The following NDST4 variants were observed in gnomAD, a reference collection of about 807,000 sequenced individuals.
The protein encoded by NDST4 is N-deacetylase and N-sulfotransferase 4.
A neutral mutation model predicts 100.8 loss-of-function variants in NDST4; 63 were observed. The ratio of observed to expected loss-of-function variants is 0.62; its 90% confidence interval spans 0.51 to 0.77. The LOEUF (loss-of-function observed/expected upper bound fraction) is 0.77, where lower values mean the gene tolerates loss of function less well. Ranked by LOEUF, NDST4 falls within the 30% of genes least tolerant of loss-of-function variation. NDST4 has a pLI of 0.00. For synonymous variants in NDST4, 377 were observed against 361.8 expected (o/e 1.04, Z -0.48); for missense variants, 943 against 1,018.4 (o/e 0.93, Z 1.01).
At chr4:114,867,709 C>T (rs1014665373) in intron 7 of NDST4, among the ~76,000 whole-genome samples, 13 of 124,258 alleles carry the variant, frequency 1.0e-4, no homozygotes, top group Admixed American at 8.3e-5. Context: ...TATTCTTTTA[C>T]ACTGTGTAGT....
intron 6 of NDST4, among the ~76,000 whole-genome samples, chr4:114,875,943 G>A (rs1724245876): frequency 6.6e-6 from 1 of 152,112 alleles, no homozygotes; most frequent in Non-Finnish European, 1.5e-5. Context: ...TTTTTAAATT[G>A]AAATTAAAAA....
chr4:114,837,286 T>C (rs751792915), intron 11 of NDST4, among the ~76,000 whole-genome samples: 1 of 152,124 alleles, frequency 6.6e-6, no homozygotes, highest in Non-Finnish European at 1.5e-5. Context: ...GCTGATAACC[T>C]TTGGATGGGG....
At chr4:114,922,582 C>T (rs1489933059) in intron 6 of NDST4, among the ~76,000 whole-genome samples, 1 of 152,162 alleles carries the variant, frequency 6.6e-6, no homozygotes, top group African/African-American at 2.4e-5. Context: ...TTTTAACAAA[C>T]GTTCCCTCCT....
rs111727264 is a variant in NDST4, at chr4:114,915,552, A to T, written c.1536+19654T>A. Among the ~76,000 whole-genome samples the T allele has an allele frequency of 7.7e-3, 1,171 of 152,312 alleles. 15 individuals carry two copies. The highest frequency in any genetic ancestry group is 0.027 in the African/African-American group (1,127 of 41,580). On this transcript the variant is annotated intron_variant, in intron 6 of 13. Transcript: ENST00000264363. ...TTTATTGGGCAGTGACAAAGTCTTA[A>T]CAATAGTTACCTTCCTGATTTTTCT...
chr4:115,009,574 T>C (rs532571442), intron 2 of NDST4, among the ~76,000 whole-genome samples: 1 of 122,860 alleles, frequency 8.1e-6, no homozygotes, highest in Non-Finnish European at 1.7e-5. Flanking sequence ...CCTAAAACCA[T>C]AAAAACCCTA....
At chr4:115,030,153 A>T (rs1728084634) in intron 2 of NDST4, among the ~76,000 whole-genome samples, 1 of 152,138 alleles carries the variant, frequency 6.6e-6, no homozygotes, top group Admixed American at 6.6e-5. Flanking sequence ...TTATAAATGG[A>T]TAGAGAAACA....
At chr4:114,946,668 A>G (rs2126230307) in intron 4 of NDST4, among the ~76,000 whole-genome samples, 1 of 152,278 alleles carries the variant, frequency 6.6e-6, no homozygotes, top group South Asian at 2.1e-4. Flanking sequence ...GCAAGAGATG[A>G]TGTCAAGAGG....
intron 1 of NDST4, among the ~76,000 whole-genome samples, chr4:115,093,540 A>G (rs1198487288): frequency 1.3e-5 from 2 of 152,130 alleles, no homozygotes; most frequent in East Asian, 1.9e-4. Context: ...TAAAAGACAT[A>G]TGCAAAATAT....
chr4:114,997,715 T>TA (rs1486897047), intron 2 of NDST4, among the ~76,000 whole-genome samples: 1 of 152,070 alleles, frequency 6.6e-6, no homozygotes, highest in Non-Finnish European at 1.5e-5. Context: ...ATGCCTTATC[T>TA]ATAGTACAGA....
chr4:115,103,482 T>C (rs1729776073), intron 1 of NDST4, among the ~76,000 whole-genome samples: 2 of 152,132 alleles, frequency 1.3e-5, no homozygotes. Context: ...CAAAGAATCT[T>C]ACTCAAATAG....
At chr4:114,871,921 T>C (rs1052738127) in intron 6 of NDST4, among the ~76,000 whole-genome samples, 1 of 152,028 alleles carries the variant, frequency 6.6e-6, no homozygotes, top group Non-Finnish European at 1.5e-5. Context: ...GTAAGGCTAA[T>C]ATAAGGTTAT....
At chr4:115,093,780 G>A (rs541890311) in intron 1 of NDST4, among the ~76,000 whole-genome samples, 2 of 152,022 alleles carry the variant, frequency 1.3e-5, no homozygotes, top group Non-Finnish European at 2.9e-5. Flanking sequence ...AATAAGATAT[G>A]AGTAAAATAC....
chr4:115,031,017 T>C (rs977233771), intron 2 of NDST4, among the ~76,000 whole-genome samples: 8 of 152,176 alleles, frequency 5.3e-5, no homozygotes, highest in Admixed American at 3.9e-4. Context: ...TATTATCTCC[T>C]GCTTCTCTAA....
chr4:114,944,582 T>C (rs1173183040), intron 4 of NDST4, among the ~76,000 whole-genome samples: 3 of 152,178 alleles, frequency 2.0e-5, no homozygotes, highest in East Asian at 1.9e-4. Context: ...AAATAGTTAC[T>C]ATGAAATCTG....
chr4:114,887,336 A>G (rs926981169), intron 6 of NDST4, among the ~76,000 whole-genome samples: 1 of 152,220 alleles, frequency 6.6e-6, no homozygotes, highest in Non-Finnish European at 1.5e-5. Context: ...TCAGATAAAT[A>G]GAAATTAGCA....
intron 2 of NDST4, among the ~76,000 whole-genome samples, chr4:114,987,257 A>C (rs1726935239): frequency 6.6e-6 from 1 of 152,194 alleles, no homozygotes; most frequent in Non-Finnish European, 1.5e-5. Flanking sequence ...TTATAACACA[A>C]AATATCCCCA....
chr4:114,961,171 A>G (rs1726254633), intron 4 of NDST4, among the ~76,000 whole-genome samples: 1 of 152,044 alleles, frequency 6.6e-6, no homozygotes, highest in South Asian at 2.1e-4. Context: ...TGAAGACCCA[A>G]CTTACTAATA....
intron 6 of NDST4, among the ~76,000 whole-genome samples, chr4:114,917,352 A>G (rs1055921505): frequency 1.3e-5 from 2 of 152,190 alleles, no homozygotes; most frequent in Non-Finnish European, 2.9e-5. Flanking sequence ...AATTACAGAA[A>G]TGTGTTCAAC....
chr4:115,026,054 T>C (rs1006557858), intron 2 of NDST4, among the ~76,000 whole-genome samples: 19 of 152,246 alleles, frequency 1.2e-4, no homozygotes, highest in Admixed American at 1.2e-3. Context: ...GCCCTTTTCC[T>C]CCACACATTC....
Sources: allele counts gnomAD v4.1 joint callset (sites outside exome capture counted in the v4.1 genomes callset), GRCh38; gene constraint gnomAD v4.1.1; transcripts MANE v1.5; gene names NCBI Gene and HGNC (gene_info 2026-07-23, HGNC 2026-07-21).